The following ASRGL1 variants were observed in gnomAD, a reference collection of about 807,000 sequenced individuals.
ASRGL1 encodes the protein isoaspartyl peptidase/L-asparaginase.
Under a neutral mutation model 22.4 loss-of-function variants are expected in ASRGL1, and 16 were observed. The ratio of observed to expected loss-of-function variants is 0.71; its 90% CI spans 0.48 to 1.08. ASRGL1 has a LOEUF of 1.08. Among genes scored for constraint, ASRGL1 ranks in the 50% least tolerant of loss-of-function variants. The probability of loss-of-function intolerance (pLI) is 0.00; values close to 1 mark genes in which losing one functional copy is unlikely to be tolerated. For synonymous variants in ASRGL1, 165 were observed against 159.3 expected (o/e 1.04, Z -0.27); for missense variants, 412 against 410.1 (o/e 1.00, Z -0.04).
Position 62,356,311 on chromosome 11 carries a change from C to A in ASRGL1, c.191-14C>A. ...ATTCTTAATTCTTGCTTTTCAACTT[C>A]TTTTTGGTTTTAGGTTGTGGGTCTG... On this transcript the variant is annotated splice_polypyrimidine_tract_variant and intron_variant, in intron 2 of 6. Transcript: ENST00000415229. 11 of 1,610,838 alleles carry A rather than the reference C, an allele frequency of 6.8e-6. No homozygotes were observed. The highest frequency in any genetic ancestry group is 9.3e-6 in the Non-Finnish European group (11 of 1,178,046).
At chr11:62,391,123 C>G (rs757022738) in intron 5 of ASRGL1, among the ~76,000 whole-genome samples, 5 of 152,204 alleles carry the variant, frequency 3.3e-5, no homozygotes, top group Non-Finnish European at 5.9e-5. Flanking sequence ...TTCCCCAAAT[C>G]ACTGGAACAT....
At chr11:62,383,653 G>T (rs534118787) in intron 4 of ASRGL1, among the ~76,000 whole-genome samples, 2 of 148,266 alleles carry the variant, frequency 1.3e-5, no homozygotes, top group Non-Finnish European at 3.0e-5. Flanking sequence ...CAGGCTTGGT[G>T]GCTCACGCCT....
chr11:62,378,305 A>T (rs1324417311), intron 4 of ASRGL1, among the ~76,000 whole-genome samples: 2 of 152,202 alleles, frequency 1.3e-5, no homozygotes, highest in Non-Finnish European at 2.9e-5. Context: ...AATGTATAAC[A>T]GTTAATTAAT....
rs1565162171 is a variant in ASRGL1 at position 62,362,606 on chromosome 11, A to AAATATATAATATATATTATAT, written c.491+5470_491+5471insATATATATTATATAATATATA. On this transcript the variant is annotated intron_variant, in intron 4 of 6. Transcript: ENST00000415229. ...TAAAATATATAATATATATTATATAAAATATATATTATATATTATATAAAA... is the reference window on the plus strand; with the variant it reads ...TAAAATATATAATATATATTATATAAAATATATAATATATATTATATAATATATATTATATATTATATAAAA... Among the ~76,000 whole-genome samples, 50 of 28,320 alleles carry AAATATATAATATATATTATAT rather than the reference A, an allele frequency of 1.8e-3. 10 individuals carry two copies. Among genetic ancestry groups the AAATATATAATATATATTATAT allele is most frequent in the Non-Finnish European group, 3.6e-3 (42 of 11,646 alleles). The allele number at this position is 28,320 out of a possible 152,430, so 18.6% of individuals were successfully genotyped here. A position where few individuals can be genotyped will look rare whatever the true frequency, so the allele number is the denominator to read the frequency against.
chr11:62,399,903 C>T, the ASRGL1 span, among the ~76,000 whole-genome samples: 1 of 152,194 alleles, frequency 6.6e-6, no homozygotes, highest in Admixed American at 6.5e-5. Flanking sequence ...CTGCCCGTGG[C>T]GGCCACTAGG....
chr11:62,385,340 T>A (rs1037722105), intron 4 of ASRGL1, among the ~76,000 whole-genome samples: 14 of 151,930 alleles, frequency 9.2e-5, no homozygotes, highest in African/African-American at 3.4e-4. Context: ...TTTACATTTT[T>A]AACGTTCTTT....
intron 4 of ASRGL1, among the ~76,000 whole-genome samples, chr11:62,386,740 A>G (rs1488815821): frequency 6.6e-6 from 1 of 152,232 alleles, no homozygotes; most frequent in Admixed American, 6.5e-5. Context: ...CAGTTTCAGT[A>G]GATACTGTGA....
intron 2 of ASRGL1, among the ~76,000 whole-genome samples, chr11:62,346,174 A>G (rs1299491040): frequency 6.6e-6 from 1 of 152,154 alleles, no homozygotes; most frequent in East Asian, 1.9e-4. Context: ...CCAACCAGCT[A>G]TAAATTGGGG....
At position 62,392,771 on chromosome 11, in the gene ASRGL1, T is replaced by C. The variant is rs57501207; in HGVS notation, c.*487T>C. 1.3e-3 allele frequency: 221 copies of C among 169,664 alleles called. No individual in the cohort carries two copies. Among genetic ancestry groups the C allele is most frequent in the African/African-American group, 5.1e-3 (212 of 41,774 alleles). The allele number at this position is 169,664 out of a possible 1,614,324, so 10.5% of individuals were successfully genotyped here. On this transcript the variant is annotated 3_prime_UTR_variant, in exon 7 of 7. Transcript: ENST00000415229. Reference sequence around the variant, plus strand: ...CGAAGCCCAGGTGACCCTCAGAACGTTGCACAAGAACATCAGGGAAAAGAA... The same window carrying C: ...CGAAGCCCAGGTGACCCTCAGAACGCTGCACAAGAACATCAGGGAAAAGAA...
chr11:62,383,892 C>T (rs1402717332), intron 4 of ASRGL1, among the ~76,000 whole-genome samples: 1 of 138,340 alleles, frequency 7.2e-6, no homozygotes, highest in Admixed American at 7.9e-5. Flanking sequence ...CCAGCCTGGG[C>T]GACAGGGCAA....
intron 4 of ASRGL1, among the ~76,000 whole-genome samples, chr11:62,362,803 T>C (rs1296724971): frequency 5.2e-5 from 2 of 38,816 alleles, no homozygotes; most frequent in Non-Finnish European, 9.7e-5. Flanking sequence ...ATCTACTTGC[T>C]TATCTGACAT....
At chr11:62,397,664 C>CAA (rs34199101), downstream of ASRGL1, among the ~76,000 whole-genome samples, 10 of 75,614 alleles carry the variant, frequency 1.3e-4, no homozygotes, top group Non-Finnish European at 2.0e-4. Flanking sequence ...AACTCCGTCT[C>CAA]AAAAAAAAAA....
At chr11:62,371,275 GGCA>G (rs36033542) in intron 4 of ASRGL1, 548,862 of 1,348,274 alleles carry the variant, frequency 0.41, 116,238 homozygotes, top group Middle Eastern at 0.43. Flanking sequence ...CAGCAGTGGT[GGCA>G]GCAGCAGCAG....
At chr11:62,361,765 C>T (rs1320655117) in intron 4 of ASRGL1, among the ~76,000 whole-genome samples, 2 of 152,014 alleles carry the variant, frequency 1.3e-5, no homozygotes, top group African/African-American at 4.8e-5. Flanking sequence ...GGATTACAGG[C>T]GTGAGCCACT....
intron 2 of ASRGL1, among the ~76,000 whole-genome samples, chr11:62,354,703 G>T (rs957790811): frequency 6.6e-6 from 1 of 152,108 alleles, no homozygotes; most frequent in Non-Finnish European, 1.5e-5. Context: ...GTGGGATGAT[G>T]CTAGAAGTGT....
At position 62,365,079 on chromosome 11, in the gene ASRGL1, AAAAG is replaced by A. The variant is rs532654648; in HGVS notation, c.491+7943_491+7946del. On this transcript the variant is annotated intron_variant, in intron 4 of 6. Coordinates refer to ENST00000415229, the MANE Select transcript of ASRGL1 (RefSeq NM_001083926.2). ...CAAAACTCCATCTCAAAAAAAAAAA[AAAAG>A]AAAGAAACATTGAATACATAGAAAC... is the stretch of plus-strand genomic sequence containing the variant. Among the ~76,000 whole-genome samples, 1,359 of 151,876 alleles carry A rather than the reference AAAAG, an allele frequency of 8.9e-3. 22 individuals are homozygous for A. Among genetic ancestry groups the A allele is most frequent in the African/African-American group, 0.031 (1,299 of 41,314 alleles).
chr11:62,376,159 A>C (rs999420289), intron 4 of ASRGL1, among the ~76,000 whole-genome samples: 9 of 137,812 alleles, frequency 6.5e-5, no homozygotes, highest in East Asian at 2.2e-4. Context: ...AGTTTGTGTC[A>C]CCTTTGTGTT....
Position 62,357,083 on chromosome 11 carries a change from A to C in ASRGL1, c.430A>C (p.Asn144His), listed in dbSNP as rs758258713. ...TGGAGAAAAACTGGTGACAGAGAGA[A>C]ACAAAAAGCGCCTGGAAAAAGAGAA... ...IPGEKLVTER[N>H]KKRLEKEKHE... The change falls in exon 4 of 7, where the codon AAC (asparagine) becomes CAC (histidine). Residue 144 changes from asparagine to histidine, a missense_variant. Transcript: ENST00000415229. 6.2e-7 allele frequency: 1 copy of C among 1,614,186 alleles called. No homozygotes were observed. Among genetic ancestry groups the C allele is most frequent in the South Asian group, 1.1e-5 (1 of 91,078 alleles).
At chr11:62,388,713 G>C (rs568802638) in intron 4 of ASRGL1, among the ~76,000 whole-genome samples, 1 of 147,674 alleles carries the variant, frequency 6.8e-6, no homozygotes, top group African/African-American at 2.5e-5. Context: ...GTCCCAGCCT[G>C]TATCTACCAA....
Sources: allele counts gnomAD v4.1 joint callset (sites outside exome capture counted in the v4.1 genomes callset), GRCh38; gene constraint gnomAD v4.1.1; transcripts MANE v1.5; gene names NCBI Gene and HGNC (gene_info 2026-07-23, HGNC 2026-07-21).